Variants in MAGI1 observed in about 807,000 individuals in gnomAD.
MAGI1 encodes the protein membrane-associated guanylate kinase, WW and PDZ domain-containing protein 1.
In MAGI1, 58 loss-of-function variants were observed where a neutral mutation model predicts 139.9. The ratio of observed to expected loss-of-function variants is 0.41; its 90% CI spans 0.34 to 0.52. The LOEUF is 0.52. Among genes scored for constraint, MAGI1 ranks in the 20% least tolerant of loss-of-function variants. The pLI, the probability that MAGI1 is intolerant of heterozygous loss-of-function variation, is 0.12. For synonymous variants in MAGI1, 812 were observed against 737.9 expected, an observed-to-expected ratio of 1.10 and a Z score of -1.63; for missense variants, 1,874 against 1,901.6, an observed-to-expected ratio of 0.99 and a Z score of 0.27.
chr3:65,433,368 C>T (rs923252570), intron 10 of MAGI1, among the ~76,000 whole-genome samples: 2 of 152,134 alleles, frequency 1.3e-5, no homozygotes, highest in African/African-American at 2.4e-5. Context: ...AGAATGTTAA[C>T]TTAATAAAGA....
chr3:65,398,498 C>CA (rs1333312292), intron 13 of MAGI1, among the ~76,000 whole-genome samples: 5 of 148,928 alleles, frequency 3.4e-5, no homozygotes, highest in African/African-American at 7.4e-5. Flanking sequence ...GACCTCATCT[C>CA]AAAAAAAAAG....
chr3:65,859,133 G>A (rs1049899258), intron 1 of MAGI1, among the ~76,000 whole-genome samples: 1 of 152,072 alleles, frequency 6.6e-6, no homozygotes, highest in Non-Finnish European at 1.5e-5. Flanking sequence ...AGGAGTTCGA[G>A]ACCCGCTTGG....
chr3:65,726,874 G>A (rs2033672440), intron 1 of MAGI1, among the ~76,000 whole-genome samples: 2 of 146,316 alleles, frequency 1.4e-5, no homozygotes, highest in South Asian at 2.2e-4. Context: ...ACGAGAGGCA[G>A]AATGGAACAG....
intron 2 of MAGI1, among the ~76,000 whole-genome samples, chr3:65,529,918 T>C (rs1049727315): frequency 6.6e-6 from 1 of 152,158 alleles, no homozygotes; most frequent in Non-Finnish European, 1.5e-5. Context: ...TTCCCTCTCT[T>C]TCTCCATCAT....
chr3:65,766,146 C>A (rs2037453786), intron 1 of MAGI1, among the ~76,000 whole-genome samples: 1 of 152,182 alleles, frequency 6.6e-6, no homozygotes, highest in Non-Finnish European at 1.5e-5. Flanking sequence ...TAGCACAGCT[C>A]TTTCTATATA....
At chr3:65,401,806 C>A in intron 12 of MAGI1, 1 of 1,321,588 alleles carries the variant, frequency 7.6e-7, no homozygotes, top group Non-Finnish European at 9.7e-7. Context: ...TTAAGAGAGA[C>A]TTAACTTACA....
chr3:65,437,274 A>G (rs781395452), intron 9 of MAGI1, 27 bp from the exon 10 acceptor site: 5 of 1,491,194 alleles, frequency 3.4e-6, no homozygotes, highest in African/African-American at 1.4e-5. Flanking sequence ...AAAGTTTCCT[A>G]TTTTTCCTTC....
At chr3:65,902,803 A>G (rs2061287320) in intron 1 of MAGI1, 1 of 152,966 alleles carries the variant, frequency 6.5e-6, no homozygotes, top group African/African-American at 2.4e-5. Context: ...GATCAGCAGC[A>G]TCACCCTGCC....
chr3:65,451,087 C>T (rs1213946141), intron 6 of MAGI1, among the ~76,000 whole-genome samples: 2 of 152,070 alleles, frequency 1.3e-5, no homozygotes, highest in African/African-American at 2.4e-5. Flanking sequence ...GGTATGAATA[C>T]ATTCTTGTTC....
At chr3:65,818,417 A>G (rs1023841761) in intron 1 of MAGI1, among the ~76,000 whole-genome samples, 7 of 152,216 alleles carry the variant, frequency 4.6e-5, no homozygotes, top group East Asian at 1.9e-4. Context: ...AGTGTTAAAG[A>G]GAGTAAGCAC....
At chr3:65,993,824 G>A (rs2066300243) in intron 1 of MAGI1, among the ~76,000 whole-genome samples, 1 of 152,084 alleles carries the variant, frequency 6.6e-6, no homozygotes, top group African/African-American at 2.4e-5. Flanking sequence ...GCTAACCCTG[G>A]AAATGGAACA....
chr3:65,640,000 A>C lies in MAGI1; in HGVS notation c.314-17912T>G, dbSNP rs563954186. Among the ~76,000 whole-genome samples, 553 of 151,870 alleles carry C rather than the reference A, an allele frequency of 3.6e-3. 7 individuals are homozygous for C. The highest frequency in any genetic ancestry group is 0.013 in the African/African-American group (532 of 41,338). On this transcript the variant is annotated intron_variant, in intron 1 of 22. Coordinates refer to ENST00000402939, the MANE Select transcript of MAGI1 (RefSeq NM_001033057.2). ...GCAAAACTCCGTCTCAAAAAAAAAA[A>C]AAAAATTACTTCCGTCTGACTGCTT... is the stretch of plus-strand genomic sequence containing the variant.
At chr3:65,861,520 C>T (rs1035225680) in intron 1 of MAGI1, among the ~76,000 whole-genome samples, 1 of 152,106 alleles carries the variant, frequency 6.6e-6, no homozygotes, top group Non-Finnish European at 1.5e-5. Context: ...ACCACTGAAA[C>T]TGGGTATGTT....
chr3:65,611,162 TC>T (rs1286405058), intron 2 of MAGI1, among the ~76,000 whole-genome samples: 1 of 140,798 alleles, frequency 7.1e-6, no homozygotes, highest in African/African-American at 2.6e-5. Context: ...TATACAGTAT[TC>T]CATCTATGCT....
intron 2 of MAGI1, among the ~76,000 whole-genome samples, chr3:65,546,961 C>G (rs59667163): frequency 6.6e-6 from 1 of 152,150 alleles, no homozygotes; most frequent in African/African-American, 2.4e-5. Flanking sequence ...GCATTTGTGT[C>G]TATGCATACA....
chr3:65,748,936 T>G (rs1261913998), intron 1 of MAGI1, among the ~76,000 whole-genome samples: 1 of 151,982 alleles, frequency 6.6e-6, no homozygotes, highest in East Asian at 1.9e-4. Context: ...GGGATAACAT[T>G]GGAGGCAGGA....
At chr3:65,891,716 C>A (rs2060755623) in intron 1 of MAGI1, among the ~76,000 whole-genome samples, 1 of 105,338 alleles carries the variant, frequency 9.5e-6, no homozygotes, top group South Asian at 3.1e-4. Context: ...GGGATACAAA[C>A]CCCTGTTGTC....
intron 1 of MAGI1, chr3:65,843,849 A>T: frequency 5.1e-6 from 1 of 194,944 alleles, no homozygotes; most frequent in East Asian, 1.6e-4. Context: ...TTTATGGTCA[A>T]AAATGTTTGG....
chr3:65,776,724 G>A (rs1176054298), intron 1 of MAGI1, among the ~76,000 whole-genome samples: 3 of 152,172 alleles, frequency 2.0e-5, no homozygotes, highest in African/African-American at 7.2e-5. Context: ...GAATAACCAC[G>A]AATTTAATGT....
Sources: allele counts gnomAD v4.1 joint callset (sites outside exome capture counted in the v4.1 genomes callset), GRCh38; gene constraint gnomAD v4.1.1; transcripts MANE v1.5; gene names NCBI Gene and HGNC (gene_info 2026-07-23, HGNC 2026-07-21).